Variants in SCUBE1 observed in about 807,000 individuals in gnomAD.
SCUBE1 encodes signal peptide, CUB domain and EGF like domain containing 1.
SCUBE1 carries 59 observed loss-of-function variants against 124.4 expected under a neutral mutation model. That is an observed-to-expected ratio of 0.47 (90% CI 0.38 to 0.59). The LOEUF (loss-of-function observed/expected upper bound fraction) is 0.59. Ranked by LOEUF, SCUBE1 falls within the 20% of genes least tolerant of loss-of-function variation. SCUBE1 has a pLI of 0.00. For missense variants in SCUBE1, 1,150 were observed against 1,371.2 expected (o/e 0.84, Z 2.55); for synonymous variants, 545 against 550.9 (o/e 0.99, Z 0.15).
In SCUBE1 at chr22:43,242,221, G is replaced by T. The variant is rs762961; in HGVS notation, c.728-3267C>A. Among the ~76,000 whole-genome samples, 9 of 152,170 alleles carry T rather than the reference G, an allele frequency of 5.9e-5. No individual in the cohort carries two copies. The South Asian group carries it at 1.2e-3, about 21-fold the overall frequency. On this transcript the variant is annotated intron_variant, in intron 6 of 21. Coordinates refer to ENST00000360835, the MANE Select transcript of SCUBE1 (RefSeq NM_173050.5). ...CTGGGAGTCTTCAAGCAGAGGCTCC[G>T]GTGCTGCTGCTGAGGAGGCCCCTGC...
chr22:43,294,368 A>G (rs1001088861), intron 3 of SCUBE1, among the ~76,000 whole-genome samples: 2 of 151,978 alleles, frequency 1.3e-5, no homozygotes, highest in Non-Finnish European at 1.5e-5. Context: ...AGAGCATCCA[A>G]CTGCAGCAGC....
At chr22:43,281,418 TCCTCCTGTCACCTCCC>T (rs1924843949) in intron 4 of SCUBE1, among the ~76,000 whole-genome samples, 2 of 76,202 alleles carry the variant, frequency 2.6e-5, no homozygotes, top group South Asian at 6.0e-4. Flanking sequence ...CCCTCAGCCA[TCCTCCTGTCACCTCCC>T]TTGGCCACCC....
chr22:43,226,078 T>C (rs564694963), intron 10 of SCUBE1, among the ~76,000 whole-genome samples: 2 of 152,344 alleles, frequency 1.3e-5, no homozygotes, highest in African/African-American at 4.8e-5. Flanking sequence ...TATTCGTTAA[T>C]GTGTTCACTG....
chr22:43,221,274 G>T lies in SCUBE1; in HGVS notation c.1448C>A (p.Pro483His). ...CTTGAAGCGGGCCTTCTGTTTGATG[G>T]GGGTGGTGGGGGCATCTGGGGAAAG... is the stretch of plus-strand genomic sequence containing the variant. ...GPSCSDAPTT[P>H]IKQKARFKIR... is the part of the protein sequence containing the mutation. The change falls in exon 13 of 22, where the codon CCC (proline) becomes CAC (histidine). Residue 483 changes from proline (P) to histidine (H), a missense_variant. This residue lies in a region of SCUBE1 where 757 missense variants were observed against 840.9 expected (regional missense o/e 0.90). Coordinates refer to ENST00000360835, the MANE Select transcript of SCUBE1 (RefSeq NM_173050.5). The T allele has an allele frequency of 6.2e-7, 1 of 1,609,898 alleles. No individual in the cohort carries two copies. The highest frequency in any genetic ancestry group is 1.1e-5 in the South Asian group (1 of 91,062).
At chr22:43,312,883 G>A (rs567930537) in intron 3 of SCUBE1, among the ~76,000 whole-genome samples, 6 of 152,282 alleles carry the variant, frequency 3.9e-5, no homozygotes, top group Admixed American at 3.3e-4. Context: ...CCAGCCTCCC[G>A]GAGCTGGTGC....
rs1569492424 is a variant in SCUBE1, at chr22:43,201,353, CA to C, written c.*2643del. ...GAAAACAAAAAAAGAAAACAAAAAACAAAACAAAAAAAACAAAACAAAAACA... is the reference window on the plus strand; with the variant it reads ...GAAAACAAAAAAAGAAAACAAAAAACAAACAAAAAAAACAAAACAAAAACA... On this transcript the variant is annotated 3_prime_UTR_variant, in exon 22 of 22. Coordinates refer to ENST00000360835, the MANE Select transcript of SCUBE1 (RefSeq NM_173050.5). 1.1e-5 allele frequency: 1 copy of C among 92,150 alleles called. No homozygotes were observed. The highest frequency in any genetic ancestry group is 2.7e-5 in the Non-Finnish European group (1 of 36,884). The allele number at this position is 92,150 out of a possible 1,614,324, so 5.7% of individuals were successfully genotyped here.
intron 19 of SCUBE1, among the ~76,000 whole-genome samples, chr22:43,209,584 AG>A (rs576496237): frequency 5.5e-4 from 83 of 152,198 alleles, no homozygotes; most frequent in African/African-American, 2.0e-3. Flanking sequence ...AGGGGTGGGG[AG>A]GGCTCTCTGA....
intron 2 of SCUBE1, among the ~76,000 whole-genome samples, chr22:43,337,795 G>A (rs1007178078): frequency 7.2e-5 from 11 of 152,168 alleles, no homozygotes; most frequent in African/African-American, 2.2e-4. Flanking sequence ...CCCTGTAAAC[G>A]CCTTATACAG....
chr22:43,262,427 C>T (rs780549624), intron 5 of SCUBE1, among the ~76,000 whole-genome samples: 6 of 152,210 alleles, frequency 3.9e-5, no homozygotes, highest in Admixed American at 2.0e-4. Flanking sequence ...CTCTGTGCCA[C>T]GGCCCCACCA....
Position 43,211,186 on chromosome 22 carries a change from T to G in SCUBE1, c.2222-103A>C. 7.9e-7 allele frequency: 1 copy of G among 1,259,576 alleles called. No homozygotes were observed. Among genetic ancestry groups the G allele is most frequent in the Non-Finnish European group, 1.1e-6 (1 of 902,580 alleles). 78.0% of individuals were successfully genotyped at this position (1,259,576 alleles called of 1,614,324 possible). ...ACCTCTCATGCCCTCGAGGTCTGTT[T>G]TGGCACAGAGTTCAAGGCTCCTCCC... On this transcript the variant is annotated intron_variant, in intron 17 of 21. Transcript: ENST00000360835. This position sits in a 1 kb window ranked among gnomAD's most constrained non-coding sequence, Gnocchi z 4.5.
intron 6 of SCUBE1, among the ~76,000 whole-genome samples, chr22:43,245,871 A>G (rs1230884820): frequency 6.6e-6 from 1 of 152,186 alleles, no homozygotes; most frequent in Non-Finnish European, 1.5e-5. Context: ...GCGGGGCCTC[A>G]ATTCCAGGAT....
At chr22:43,214,047 G>GGGCC in intron 16 of SCUBE1, 43 bp downstream of exon 16, 3 of 143,440 alleles carry the variant, frequency 2.1e-5, no homozygotes, top group East Asian at 2.8e-4. Context: ...AGGAGCCCCC[G>GGGCC]CCCACCCCCC....
rs974500135 is a variant in SCUBE1, at chr22:43,258,412, G to C, written c.611-77C>G. On this transcript the variant is annotated intron_variant, in intron 5 of 21. Coordinates refer to ENST00000360835, the MANE Select transcript of SCUBE1 (RefSeq NM_173050.5). The surrounding 1 kb of genome is among the most constrained non-coding windows in gnomAD (Gnocchi z 5.0). ...GGTTAGTTTGCCGGTGTTGGCGGCT[G>C]CCTTCAGGGTATGGGGAAACTGAGG... is the stretch of plus-strand genomic sequence containing the variant. 1 of 1,094,108 alleles carries C rather than the reference G, an allele frequency of 9.1e-7. No homozygotes were observed. Among genetic ancestry groups the C allele is most frequent in the African/African-American group, 1.5e-5 (1 of 64,836 alleles). 67.8% of individuals were successfully genotyped at this position (1,094,108 alleles called of 1,614,324 possible).
intron 6 of SCUBE1, 100 bp from the exon 7 acceptor site, chr22:43,239,054 C>A: frequency 1.1e-6 from 1 of 904,968 alleles, no homozygotes; most frequent in Non-Finnish European, 1.8e-6. Context: ...AGACGAGACC[C>A]GGGTTCAAGC....
At chr22:43,328,262 G>A (rs115111715) in intron 2 of SCUBE1, among the ~76,000 whole-genome samples, 3,058 of 138,824 alleles carry the variant, frequency 0.022, 99 homozygotes, top group African/African-American at 0.075. Flanking sequence ...TGAAAATGGA[G>A]CCGTTGGCGC....
rs140193328 is a variant in SCUBE1, at chr22:43,331,932, T to C, written c.220+7172A>G. 1.0e-3 allele frequency among the ~76,000 whole-genome samples: 154 copies of C among 151,650 alleles called. 3 individuals carry two copies. The East Asian group carries it at 0.024, about 23-fold the overall frequency. On this transcript the variant is annotated intron_variant, in intron 2 of 21. Transcript: ENST00000360835. ...AACGGGGTGTGCAAAGGTCCAGAGG[T>C]AGGAACAAGCTGGCAAGTTTGAGGA...
chr22:43,308,014 A>G (rs1926035789), intron 3 of SCUBE1, among the ~76,000 whole-genome samples: 1 of 152,098 alleles, frequency 6.6e-6, no homozygotes. Flanking sequence ...CCCAATCCCA[A>G]GCAGGCCATG....
chr22:43,221,724 A>C (rs1319156907), intron 12 of SCUBE1, among the ~76,000 whole-genome samples: 2 of 152,224 alleles, frequency 1.3e-5, no homozygotes, highest in Non-Finnish European at 2.9e-5. Context: ...GGACTAAAGA[A>C]TCCTACCACC....
intron 8 of SCUBE1, among the ~76,000 whole-genome samples, chr22:43,229,737 A>C (rs1180228271): frequency 6.6e-6 from 1 of 152,228 alleles, no homozygotes; most frequent in African/African-American, 2.4e-5. Context: ...CTCTGATAGA[A>C]TGTGAAATGT....
Sources: gnomAD v4.1 joint callset for allele counts (sites outside exome capture counted in the v4.1 genomes callset) on GRCh38, gnomAD v4.1.1 for gene constraint, gnomAD v4.1.1 regional missense constraint, Gnocchi (gnomAD v3.1) non-coding constraint, MANE v1.5 for transcripts, NCBI Gene and HGNC (gene_info 2026-07-23, HGNC 2026-07-21) for gene names.